Variants in ASIC2 observed in about 807,000 individuals in gnomAD.
ASIC2 encodes the protein acid-sensing ion channel 2.
ASIC2 carries 25 observed loss-of-function variants against 57.3 expected under a neutral mutation model. The observed-to-expected ratio is 0.44, with a 90% CI of 0.32 to 0.61. The LOEUF (loss-of-function observed/expected upper bound fraction) is 0.61. Among genes scored for constraint, ASIC2 ranks in the 20% least tolerant of loss-of-function variants. The pLI is 0.06. For missense variants in ASIC2, 641 were observed against 738.1 expected, an observed-to-expected ratio of 0.87 and a Z score of 1.52; for synonymous variants, 319 against 307.5, an observed-to-expected ratio of 1.04 and a Z score of -0.39.
chr17:33,961,288 T>C (rs1904912213), intron 1 of ASIC2, among the ~76,000 whole-genome samples: 1 of 152,202 alleles, frequency 6.6e-6, no homozygotes, highest in Non-Finnish European at 1.5e-5. Flanking sequence ...AGGACACAGT[T>C]ATGCTGCTTA....
At chr17:33,134,707 G>C (rs2092360904) in intron 1 of ASIC2, among the ~76,000 whole-genome samples, 1 of 152,232 alleles carries the variant, frequency 6.6e-6, no homozygotes, top group Non-Finnish European at 1.5e-5. Flanking sequence ...CCCTCAACCT[G>C]GGTTGTCCCC....
intron 1 of ASIC2, among the ~76,000 whole-genome samples, chr17:33,617,805 T>G (rs1315850371): frequency 6.6e-6 from 1 of 152,244 alleles, no homozygotes; most frequent in Non-Finnish European, 1.5e-5. Context: ...GGAAAGCCAT[T>G]TAGTTTTTTC....
At chr17:33,037,682 A>G (rs2091914836) in intron 3 of ASIC2, among the ~76,000 whole-genome samples, 4 of 152,196 alleles carry the variant, frequency 2.6e-5, no homozygotes, top group African/African-American at 9.7e-5. Flanking sequence ...TGGCATCCCA[A>G]GGGAAAGATA....
chr17:33,655,860 A>G (rs1427129838), intron 1 of ASIC2, among the ~76,000 whole-genome samples: 2 of 152,226 alleles, frequency 1.3e-5, no homozygotes, highest in Non-Finnish European at 1.5e-5. Context: ...TATCATGAAG[A>G]GAGAGAAGTT....
At chr17:33,395,164 C>A (rs898785389) in intron 1 of ASIC2, among the ~76,000 whole-genome samples, 1 of 151,848 alleles carries the variant, frequency 6.6e-6, no homozygotes, top group African/African-American at 2.4e-5. Flanking sequence ...ACTCACCCAC[C>A]CATTTACCCA....
At chr17:33,818,691 G>T (rs151069409) in intron 1 of ASIC2, among the ~76,000 whole-genome samples, 15 of 152,298 alleles carry the variant, frequency 9.8e-5, no homozygotes, top group African/African-American at 3.4e-4. Flanking sequence ...GAATTATCCA[G>T]CCTAAAATGT....
At chr17:33,813,180 A>T (rs941923427) in intron 1 of ASIC2, among the ~76,000 whole-genome samples, 8 of 152,074 alleles carry the variant, frequency 5.3e-5, no homozygotes, top group African/African-American at 1.9e-4. Flanking sequence ...TTGGTAAACA[A>T]GTTGGGGAGG....
In ASIC2 at chr17:33,765,128, C is replaced by T. The variant is rs904863272; in HGVS notation, c.555+390850G>A. 9.2e-5 allele frequency among the ~76,000 whole-genome samples: 14 copies of T among 151,528 alleles called. No individual in the cohort carries two copies. The East Asian group carries it at 9.7e-4, about 11-fold the overall frequency. On this transcript the variant is annotated intron_variant, in intron 1 of 9. Coordinates refer to the ASIC2 transcript ENST00000359872. ...ATTGTTTTTTGTTTTTTTTTTGAGA[C>T]GGAGTCTCGCTCTGTCGCCCAGGCT...
At chr17:33,855,320 G>A (rs1429174590) in intron 1 of ASIC2, among the ~76,000 whole-genome samples, 1 of 152,108 alleles carries the variant, frequency 6.6e-6, no homozygotes, top group Non-Finnish European at 1.5e-5. Context: ...GGGGAAAGTG[G>A]GCTTTGGTCA....
rs116447935 is a variant in ASIC2 at position 33,019,235 on chromosome 17, C to A, written c.1442-1551G>T. ...ATTTGTATAAAAGCAGGCAGGAGGT[C>A]TGGCTGTCTATGGTTTTATGTAGGT... On this transcript the variant is annotated intron_variant, in intron 7 of 9. Coordinates refer to ENST00000225823, the MANE Select transcript of ASIC2 (RefSeq NM_183377.2). Among the ~76,000 whole-genome samples the A allele has an allele frequency of 5.8e-3, 888 of 151,984 alleles. 8 individuals carry two copies. The highest frequency in any genetic ancestry group is 0.02 in the African/African-American group (827 of 41,426).
chr17:33,705,037 G>A (rs1225480354), intron 1 of ASIC2, among the ~76,000 whole-genome samples: 2 of 152,182 alleles, frequency 1.3e-5, no homozygotes, highest in Non-Finnish European at 2.9e-5. Context: ...ATGAATGTCA[G>A]TGTCATTTAA....
chr17:33,064,731 C>G (rs181512026), intron 3 of ASIC2, among the ~76,000 whole-genome samples: 1 of 152,208 alleles, frequency 6.6e-6, no homozygotes, highest in Non-Finnish European at 1.5e-5. Context: ...CAGTTGGAAA[C>G]GCAGAAATCA....
chr17:33,155,042 T>G (rs1258998263), intron 1 of ASIC2, among the ~76,000 whole-genome samples: 1 of 152,330 alleles, frequency 6.6e-6, no homozygotes, highest in East Asian at 1.9e-4. Context: ...CGGCAGCGTC[T>G]TTTCTCCAAG....
At chr17:33,159,987 TCG>T (rs1284587748) in intron 1 of ASIC2, among the ~76,000 whole-genome samples, 2 of 151,990 alleles carry the variant, frequency 1.3e-5, no homozygotes, top group African/African-American at 2.4e-5. Flanking sequence ...GGTGGGAGGA[TCG>T]CGTGAGCTCA....
intron 1 of ASIC2, among the ~76,000 whole-genome samples, chr17:33,356,126 G>C (rs909617764): frequency 3.3e-5 from 5 of 152,192 alleles, no homozygotes; most frequent in African/African-American, 1.2e-4. Flanking sequence ...ATCATTCACT[G>C]ATTCACCAAG....
At chr17:33,801,646 G>C (rs190753643) in intron 1 of ASIC2, among the ~76,000 whole-genome samples, 5 of 152,242 alleles carry the variant, frequency 3.3e-5, no homozygotes, top group African/African-American at 9.6e-5. Flanking sequence ...CATTCGAGAC[G>C]CTTAGCATAG....
chr17:33,058,672 T>A (rs2092008300), intron 3 of ASIC2, among the ~76,000 whole-genome samples: 1 of 152,266 alleles, frequency 6.6e-6, no homozygotes, highest in Middle Eastern at 3.4e-3. Context: ...CTCTTCTCTT[T>A]TTTACATGAA....
At chr17:33,220,638 G>A (rs776031703) in intron 1 of ASIC2, among the ~76,000 whole-genome samples, 2 of 150,188 alleles carry the variant, frequency 1.3e-5, no homozygotes, top group African/African-American at 2.4e-5. Flanking sequence ...ATAAGTTAAT[G>A]TATACAAAGC....
chr17:33,868,888 A>G (rs1223611572), intron 1 of ASIC2, among the ~76,000 whole-genome samples: 1 of 152,148 alleles, frequency 6.6e-6, no homozygotes, highest in African/African-American at 2.4e-5. Flanking sequence ...ACATAGTAAG[A>G]CCTTGTCTCT....
Sources: allele counts gnomAD v4.1 joint callset (sites outside exome capture counted in the v4.1 genomes callset), GRCh38; gene constraint gnomAD v4.1.1; transcripts MANE v1.5; gene names NCBI Gene and HGNC (gene_info 2026-07-23, HGNC 2026-07-21).